RBFOX1: variants seen among roughly 807,000 people sequenced by gnomAD.
RBFOX1 encodes the protein RNA binding protein fox-1 homolog 1.
In RBFOX1, 8 loss-of-function variants were observed where a neutral mutation model predicts 57.7. The observed-to-expected ratio is 0.14, with a 90% CI of 0.08 to 0.25. RBFOX1 has a LOEUF of 0.25. RBFOX1 is among the 10% of genes least tolerant of loss of function. The pLI, the probability that RBFOX1 is intolerant of heterozygous loss-of-function variation, is 1.00. For synonymous variants in RBFOX1, 326 were observed against 222.4 expected (o/e 1.47, Z -4.15); for missense variants, 611 against 548.5 (o/e 1.11, Z -1.14).
chr16:7,364,857 A>G (rs1250553615), intron 4 of RBFOX1, among the ~76,000 whole-genome samples: 1 of 152,214 alleles, frequency 6.6e-6, no homozygotes, highest in African/African-American at 2.4e-5. Context: ...CTAACAAGGA[A>G]GAGACAATTT....
rs1450333302 is a variant in RBFOX1 at position 6,020,095 on chromosome 16, C to T, written c.-127+103C>T. 9 of 1,253,750 alleles carry T rather than the reference C, an allele frequency of 7.2e-6. No individual in the cohort carries two copies. The East Asian group carries it at 1.8e-4, about 25-fold the overall frequency. The allele number at this position is 1,253,750 out of a possible 1,614,324, so 77.7% of individuals were successfully genotyped here. A position where few individuals can be genotyped will look rare whatever the true frequency, so the allele number is the denominator to read the frequency against. ...GCGCTAGGTCCCCGAGAACTGGCCT[C>T]CTCCTAGCGCCAGTCTGGGCGCTCT... On this transcript the variant is annotated intron_variant, in intron 1 of 15. Coordinates refer to ENST00000550418, the MANE Select transcript of RBFOX1 (RefSeq NM_018723.4).
intron 2 of RBFOX1, among the ~76,000 whole-genome samples, chr16:6,517,911 A>G (rs2096412650): frequency 1.3e-5 from 2 of 152,170 alleles, no homozygotes; most frequent in Admixed American, 6.5e-5. Context: ...GGTGATGATA[A>G]TGAGATGTCG....
At chr16:6,101,398 T>A (rs918823300) in intron 1 of RBFOX1, among the ~76,000 whole-genome samples, 8 of 152,214 alleles carry the variant, frequency 5.3e-5, no homozygotes, top group Admixed American at 2.6e-4. Flanking sequence ...GTGGCTTTAT[T>A]TTTTCTCACA....
intron 2 of RBFOX1, among the ~76,000 whole-genome samples, chr16:6,543,989 A>G (rs2096860040): frequency 2.0e-5 from 3 of 152,198 alleles, no homozygotes; most frequent in Admixed American, 2.0e-4. Flanking sequence ...GAAATGTTGA[A>G]AAGCACCTTG....
chr16:7,145,626 T>G (rs2074804295), intron 4 of RBFOX1, among the ~76,000 whole-genome samples: 2 of 152,176 alleles, frequency 1.3e-5, no homozygotes, highest in South Asian at 4.1e-4. Flanking sequence ...AGTGGGGGTA[T>G]TTAGGAACCA....
intron 3 of RBFOX1, among the ~76,000 whole-genome samples, chr16:6,860,251 C>T (rs979175277): frequency 6.6e-6 from 1 of 152,182 alleles, no homozygotes; most frequent in African/African-American, 2.4e-5. Context: ...CAATGTTAGG[C>T]ACTTAATGGT....
In RBFOX1 at chr16:6,532,087, C is replaced by G. The variant is rs955986084; in HGVS notation, c.-63-122516C>G. 5.3e-5 allele frequency among the ~76,000 whole-genome samples: 8 copies of G among 152,190 alleles called. No homozygotes were observed. In the South Asian group the frequency reaches 1.7e-3, roughly 32 times the overall value. On this transcript the variant is annotated intron_variant, in intron 2 of 15. Transcript: ENST00000550418. ...TATCATTCTGCTCCAGTTCTGGATC[C>G]CAGAAGAGCACATCCCATTGGCCAG...
At chr16:6,664,166 C>G (rs1054198613) in intron 3 of RBFOX1, among the ~76,000 whole-genome samples, 1 of 152,082 alleles carries the variant, frequency 6.6e-6, no homozygotes, top group African/African-American at 2.4e-5. Context: ...CCAGCCATCT[C>G]TAGCCAAGGA....
At chr16:6,489,414 T>A (rs2095579722) in intron 2 of RBFOX1, among the ~76,000 whole-genome samples, 1 of 152,172 alleles carries the variant, frequency 6.6e-6, no homozygotes, top group South Asian at 2.1e-4. Context: ...AAGATAAGCC[T>A]AGGAGATTGT....
chr16:7,705,100 C>G (rs1451907876), intron 14 of RBFOX1, among the ~76,000 whole-genome samples: 10 of 150,622 alleles, frequency 6.6e-5, no homozygotes, highest in South Asian at 6.3e-4. Flanking sequence ...CTCTTCATCT[C>G]TCTAGGGAAG....
intron 1 of RBFOX1, among the ~76,000 whole-genome samples, chr16:6,248,246 A>G (rs530900864): frequency 9.5e-4 from 145 of 152,246 alleles, no homozygotes; most frequent in Middle Eastern, 6.8e-3. Flanking sequence ...TTAGAATGGA[A>G]CTGGGGGTGG....
chr16:6,871,080 G>A (rs940646411), intron 3 of RBFOX1, among the ~76,000 whole-genome samples: 7 of 152,212 alleles, frequency 4.6e-5, no homozygotes, highest in African/African-American at 1.7e-4. Context: ...GAATGGACAA[G>A]ATGACTTATC....
intron 3 of RBFOX1, among the ~76,000 whole-genome samples, chr16:5,790,988 C>T (rs887011038): frequency 6.6e-6 from 1 of 151,294 alleles, no homozygotes; most frequent in Non-Finnish European, 1.5e-5. Flanking sequence ...TTTGCTTCAA[C>T]TTCCCAAGTA....
chr16:6,011,441 A>T (rs1214600113), intron 4 of RBFOX1, among the ~76,000 whole-genome samples: 1 of 152,148 alleles, frequency 6.6e-6, no homozygotes, highest in Non-Finnish European at 1.5e-5. Flanking sequence ...AGACTGTTAA[A>T]GATTTAAAAA....
intron 2 of RBFOX1, among the ~76,000 whole-genome samples, chr16:6,536,383 T>G (rs1476977): frequency 3.9e-5 from 6 of 152,034 alleles, no homozygotes; most frequent in African/African-American, 9.7e-5. Context: ...CTCCAAATGT[T>G]TTGCACATTC....
At chr16:6,066,417 A>G (rs4360938) in intron 1 of RBFOX1, among the ~76,000 whole-genome samples, 30,215 of 151,910 alleles carry the variant, frequency 0.2, 3,510 homozygotes, top group East Asian at 0.34. Context: ...CTATTATTGA[A>G]AATGTAGACA....
intron 3 of RBFOX1, among the ~76,000 whole-genome samples, chr16:6,908,213 T>G (rs566319474): frequency 7.2e-5 from 11 of 151,796 alleles, no homozygotes; most frequent in South Asian, 2.1e-4. Flanking sequence ...TGCTCAGCAT[T>G]GTGTTGCCTG....
intron 3 of RBFOX1, among the ~76,000 whole-genome samples, chr16:7,025,949 A>G (rs951170612): frequency 1.3e-5 from 2 of 152,202 alleles, no homozygotes; most frequent in Admixed American, 1.3e-4. Context: ...GCCTGGAAAG[A>G]GAGCCAGGTC....
Position 7,426,031 on chromosome 16 carries a change from G to A in RBFOX1, c.28-92116G>A, listed in dbSNP as rs187218368. Among the ~76,000 whole-genome samples, 13 of 152,276 alleles carry A rather than the reference G, an allele frequency of 8.5e-5. No individual in the cohort carries two copies. In the East Asian group the frequency reaches 1.9e-3, roughly 23 times the overall value. On this transcript the variant is annotated intron_variant, in intron 4 of 15. Transcript: ENST00000550418. ...AGGCGGCATCTGGGCCTCGGATGTCGGGAGAGACCCACTGAGGCAAAGCAC... is the reference window on the plus strand; with the variant it reads ...AGGCGGCATCTGGGCCTCGGATGTCAGGAGAGACCCACTGAGGCAAAGCAC...
Sources: allele counts gnomAD v4.1 joint callset (sites outside exome capture counted in the v4.1 genomes callset), GRCh38; gene constraint gnomAD v4.1.1; transcripts MANE v1.5; gene names NCBI Gene and HGNC (gene_info 2026-07-23, HGNC 2026-07-21).